RNF10: variants seen among roughly 807,000 people sequenced by gnomAD.
RNF10 encodes E3 ubiquitin-protein ligase RNF10.
In RNF10, 38 loss-of-function variants were observed where a neutral mutation model predicts 91.4. That is an observed-to-expected ratio of 0.42 (90% CI 0.32 to 0.54). RNF10 has a LOEUF of 0.54. Among genes scored for constraint, RNF10 ranks in the 20% least tolerant of loss-of-function variants. The pLI is 0.16. For missense variants in RNF10, 945 were observed against 1,012.0 expected (o/e 0.93, Z 0.90); for synonymous variants, 364 against 366.3 (o/e 0.99, Z 0.07).
At chr12:120,561,213 A>G (rs2137220863) in intron 7 of RNF10, among the ~76,000 whole-genome samples, 1 of 152,322 alleles carries the variant, frequency 6.6e-6, no homozygotes, top group Admixed American at 6.5e-5. Flanking sequence ...AGCAAGTTAG[A>G]GTTCTTTGTT....
intron 6 of RNF10, among the ~76,000 whole-genome samples, chr12:120,559,749 G>A (rs749563997): frequency 5.9e-5 from 9 of 151,836 alleles, no homozygotes; most frequent in Non-Finnish European, 1.2e-4. Context: ...AGGCTGGAGT[G>A]CAATGGTGCG....
intron 14 of RNF10, chr12:120,574,755 G>GT (rs1877147314): frequency 3.5e-6 from 1 of 282,346 alleles, no homozygotes; most frequent in Non-Finnish European, 7.0e-6. Flanking sequence ...GAGAAACCCC[G>GT]TCTTTACTAA....
chr12:120,573,347 A>G (rs957526219), intron 14 of RNF10, among the ~76,000 whole-genome samples: 3 of 152,094 alleles, frequency 2.0e-5, no homozygotes, highest in African/African-American at 7.2e-5. Flanking sequence ...TCCTTTGCCC[A>G]TATCCCCTTT....
intron 14 of RNF10, among the ~76,000 whole-genome samples, chr12:120,573,530 C>G (rs989714954): frequency 2.6e-5 from 4 of 151,788 alleles, no homozygotes; most frequent in Admixed American, 6.6e-5. Flanking sequence ...TATTTGGATA[C>G]TGTCTCAGTC....
rs1454236556 is a variant in RNF10, at chr12:120,544,321, A to G, written c.158-2084A>G. Among the ~76,000 whole-genome samples the G allele has an allele frequency of 4.1e-5, 6 of 148,126 alleles. No homozygotes were observed. In the East Asian group the frequency reaches 1.2e-3, roughly 29 times the overall value. On this transcript the variant is annotated intron_variant, in intron 1 of 16. Transcript: ENST00000325954. ...GATTGCTTGAGTCCAGGAGTTGGAAACCAATCAGGGTAACAAAGTGAGACC... is the reference window on the plus strand; with the variant it reads ...GATTGCTTGAGTCCAGGAGTTGGAAGCCAATCAGGGTAACAAAGTGAGACC...
At chr12:120,547,394 T>G (rs576832739) in intron 2 of RNF10, among the ~76,000 whole-genome samples, 1 of 152,296 alleles carries the variant, frequency 6.6e-6, no homozygotes, top group East Asian at 1.9e-4. Flanking sequence ...TGGGCTCAAG[T>G]GATCCTCCCA....
chr12:120,544,365 A>G (rs1297157586), intron 1 of RNF10, among the ~76,000 whole-genome samples: 1 of 151,486 alleles, frequency 6.6e-6, no homozygotes, highest in East Asian at 1.9e-4. Context: ...ACAAAAAAAA[A>G]AAAAAAAATT....
At chr12:120,538,563 G>A (rs1189535751) in intron 1 of RNF10, among the ~76,000 whole-genome samples, 1 of 152,180 alleles carries the variant, frequency 6.6e-6, no homozygotes, top group Non-Finnish European at 1.5e-5. Context: ...GTATTTCTGA[G>A]AACATGCAGC....
At chr12:120,536,718 ATAAG>A (rs371322841) in intron 1 of RNF10, among the ~76,000 whole-genome samples, 25 of 152,324 alleles carry the variant, frequency 1.6e-4, no homozygotes, top group African/African-American at 5.5e-4. Flanking sequence ...AAAGCAATTG[ATAAG>A]TAAGTTTATT....
intron 14 of RNF10, 37 bp from the exon 15 acceptor site, chr12:120,575,594 T>C: frequency 1.2e-6 from 2 of 1,613,630 alleles, no homozygotes; most frequent in Non-Finnish European, 1.7e-6. Flanking sequence ...GACCAGCTAC[T>C]TAAATTCTCT....
At position 120,552,689 on chromosome 12, in the gene RNF10, T is replaced by C; in HGVS notation, c.545T>C (p.Leu182Ser). The C allele has an allele frequency of 6.2e-7, 1 of 1,613,888 alleles. No homozygotes were observed. The highest frequency in any genetic ancestry group is 2.2e-5 in the East Asian group (1 of 44,884). ...GHKPFNKELF[L>S]QANCQFVVSE... Reference sequence around the variant, plus strand: ...AAGCCTTTTAACAAGGAACTCTTTTTACAGGCCAAGTGAGTATTGCTACCC... The same window carrying C: ...AAGCCTTTTAACAAGGAACTCTTTTCACAGGCCAAGTGAGTATTGCTACCC... The change falls in exon 3 of 17, where the codon TTA (leucine) becomes TCA (serine). Residue 182 changes from leucine (L) to serine (S), a missense_variant. Leu to Ser is a moderately radical substitution (Grantham distance 145). Coordinates refer to ENST00000325954, the MANE Select transcript of RNF10 (RefSeq NM_014868.5).
At position 120,563,541 on chromosome 12, in the gene RNF10, C is replaced by T. The variant is rs1456874713; in HGVS notation, c.1449C>T (p.Cys483=). ...ADDNLKEGTI[C]TESSQQEPIT... Reference sequence around the variant, plus strand: ...ACAATCTTAAAGAGGGGACCATTTGCACTGAGTCCAGCCAGCAGGAACCCA... The same window carrying T: ...ACAATCTTAAAGAGGGGACCATTTGTACTGAGTCCAGCCAGCAGGAACCCA... Residue 483 remains cysteine, a synonymous_variant, in exon 9 of 17, where the codon TGC becomes TGT. Coordinates refer to ENST00000325954, the MANE Select transcript of RNF10 (RefSeq NM_014868.5). 1.9e-6 allele frequency: 3 copies of T among 1,614,130 alleles called. No individual in the cohort carries two copies. Among genetic ancestry groups the T allele is most frequent in the Admixed American group, 1.7e-5 (1 of 60,008 alleles).
Position 120,552,707 on chromosome 12 carries a change from T to A in RNF10, c.554+9T>A. On this transcript the variant is annotated intron_variant, in intron 3 of 16. Transcript: ENST00000325954. ...CTCTTTTTACAGGCCAAGTGAGTATTGCTACCCCTCAGAGGAAAGGGAAAG... is the reference window on the plus strand; with the variant it reads ...CTCTTTTTACAGGCCAAGTGAGTATAGCTACCCCTCAGAGGAAAGGGAAAG... The A allele has an allele frequency of 6.2e-7, 1 of 1,612,568 alleles. No homozygotes were observed. The highest frequency in any genetic ancestry group is 1.8e-4 in the Middle Eastern group (1 of 5,646).
chr12:120,577,185 T>G lies in RNF10; in HGVS notation c.*519T>G. On this transcript the variant is annotated 3_prime_UTR_variant, in exon 17 of 17. Transcript: ENST00000325954. ...TTAGGACACCCAGTTTGAATTGCAG[T>G]TTTTTTTTTTCTGACACATGGCCAG... is the stretch of plus-strand genomic sequence containing the variant. The G allele has an allele frequency of 2.3e-6, 1 of 425,828 alleles. No homozygotes were observed. The highest frequency in any genetic ancestry group is 4.7e-6 in the Non-Finnish European group (1 of 213,784). 26.4% of individuals were successfully genotyped at this position (425,828 alleles called of 1,614,324 possible).
chr12:120,537,347 C>G (rs73403975), intron 1 of RNF10, among the ~76,000 whole-genome samples: 1 of 151,450 alleles, frequency 6.6e-6, no homozygotes, highest in Non-Finnish European at 1.5e-5. Flanking sequence ...CTCATGTAGG[C>G]CGGGTGCGGT....
intron 2 of RNF10, among the ~76,000 whole-genome samples, chr12:120,547,163 A>T (rs933360389): frequency 6.6e-6 from 1 of 152,202 alleles, no homozygotes; most frequent in African/African-American, 2.4e-5. Flanking sequence ...AGATAAAAAA[A>T]ATATAGACTG....
chr12:120,575,829 C>T lies in RNF10; in HGVS notation c.2238C>T (p.Ser746=), dbSNP rs759510477. 1.9e-6 allele frequency: 3 copies of T among 1,614,028 alleles called. No individual in the cohort carries two copies. The highest frequency in any genetic ancestry group is 1.3e-5 in the African/African-American group (1 of 74,902). ...TAGTTCCTCCTGCCCCTGTGGACAGCGACGGGGAGAGTGATAATTCAGACC... is the reference window on the plus strand; with the variant it reads ...TAGTTCCTCCTGCCCCTGTGGACAGTGACGGGGAGAGTGATAATTCAGACC... ...NSLVPPAPVD[S]DGESDNSDRV... Residue 746 remains serine (S), a synonymous_variant, in exon 16 of 17, where the codon AGC becomes AGT. Coordinates refer to ENST00000325954, the MANE Select transcript of RNF10 (RefSeq NM_014868.5).
At chr12:120,552,443 G>A (rs1485858370) in intron 2 of RNF10, 56 bp from the exon 3 acceptor site, 6 of 1,455,874 alleles carry the variant, frequency 4.1e-6, no homozygotes, top group Non-Finnish European at 5.7e-6. Context: ...TTGGGTTTCT[G>A]CTATAAATCA....
chr12:120,550,839 G>A (rs1205316466), intron 2 of RNF10, among the ~76,000 whole-genome samples: 3 of 151,766 alleles, frequency 2.0e-5, no homozygotes, highest in Non-Finnish European at 2.9e-5. Flanking sequence ...CTCGTGATCC[G>A]CCCGCCTCAG....
Sources: gnomAD v4.1 joint callset for allele counts (sites outside exome capture counted in the v4.1 genomes callset) on GRCh38, gnomAD v4.1.1 for gene constraint, MANE v1.5 for transcripts, NCBI Gene and HGNC (gene_info 2026-07-23, HGNC 2026-07-21) for gene names.